Variants in PARP1 observed in about 807,000 individuals in gnomAD.
The protein encoded by PARP1 is poly(ADP-ribose) polymerase 1.
In PARP1, 44 loss-of-function variants were observed where a neutral mutation model predicts 118.7. The ratio of observed to expected loss-of-function variants is 0.37; its 90% CI spans 0.29 to 0.48. The LOEUF (loss-of-function observed/expected upper bound fraction) is 0.48, where lower values mean the gene tolerates loss of function less well. Among genes scored for constraint, PARP1 ranks in the 20% least tolerant of loss-of-function variants. The pLI is 0.99. For synonymous variants in PARP1, 492 were observed against 483.2 expected, an observed-to-expected ratio of 1.02 and a Z score of -0.24; for missense variants, 1,100 against 1,272.4, an observed-to-expected ratio of 0.86 and a Z score of 2.06.
intron 6 of PARP1, 62 bp downstream of exon 6, chr1:226,386,264 T>A (rs887161874): frequency 3.2e-6 from 3 of 952,292 alleles, no homozygotes; most frequent in Non-Finnish European, 5.2e-6. Context: ...ATTGGGACAG[T>A]CACTCCACAA....
In PARP1 at chr1:226,399,806, T is replaced by C. The variant is rs143161050; in HGVS notation, c.286+2408A>G. 8.0e-3 allele frequency among the ~76,000 whole-genome samples: 1,220 copies of C among 152,294 alleles called. 8 individuals carry two copies. The highest frequency in any genetic ancestry group is 0.013 in the Non-Finnish European group (916 of 68,024). Reference sequence around the variant, plus strand: ...GATGTTGATTGTGGACAAAAGTCTGTGTATGTGTGGGGTGGGTAGGGCTAG... The same window carrying C: ...GATGTTGATTGTGGACAAAAGTCTGCGTATGTGTGGGGTGGGTAGGGCTAG... On this transcript the variant is annotated intron_variant, in intron 2 of 22. Transcript: ENST00000366794.
Position 226,361,327 on chromosome 1 carries a change from G to A in PARP1, c.*133C>T, listed in dbSNP as rs1664131604. The A allele has an allele frequency of 2.8e-6, 2 of 714,724 alleles. No homozygotes were observed. The highest frequency in any genetic ancestry group is 5.2e-6 in the Non-Finnish European group (2 of 384,678). 44.3% of individuals were successfully genotyped at this position (714,724 alleles called of 1,614,324 possible). On this transcript the variant is annotated 3_prime_UTR_variant, in exon 23 of 23. Coordinates refer to ENST00000366794, the MANE Select transcript of PARP1 (RefSeq NM_001618.4). ...TAGAGAAAACCTTTAACACGTTTCT[G>A]TAAAATCCTTTCTGAGGTGGTTTAG... is the stretch of plus-strand genomic sequence containing the variant.
intron 1 of PARP1, among the ~76,000 whole-genome samples, chr1:226,403,453 C>T (rs982097906): frequency 6.6e-6 from 1 of 152,362 alleles, no homozygotes; most frequent in African/African-American, 2.4e-5. Flanking sequence ...GCTGGGATTA[C>T]AGGCATGAAC....
intron 15 of PARP1, 59 bp from the exon 16 acceptor site, chr1:226,368,380 C>G: frequency 1.2e-6 from 2 of 1,612,350 alleles, no homozygotes; most frequent in Non-Finnish European, 8.5e-7. Context: ...AGCCCCCGGC[C>G]AGGCTTTCTC....
rs934864107 is a variant in PARP1 at position 226,386,272 on chromosome 1, C to A, written c.834+54G>T. The stretch of plus-strand genomic sequence containing the variant: ...ACACTCCATTGGGACAGTCACTCCA[C>A]AACGACGGGGTCGGCCTCACATGCG... On this transcript the variant is annotated intron_variant, in intron 6 of 22. Transcript: ENST00000366794. 8.4e-6 allele frequency: 9 copies of A among 1,067,230 alleles called. No homozygotes were observed. The African/African-American group carries it at 1.4e-4, about 17-fold the overall frequency. 66.1% of individuals were successfully genotyped at this position (1,067,230 alleles called of 1,614,324 possible). A position where few individuals can be genotyped will look rare whatever the true frequency, so the allele number is the denominator to read the frequency against.
intron 2 of PARP1, among the ~76,000 whole-genome samples, chr1:226,394,222 T>C (rs1664872821): frequency 6.6e-6 from 1 of 152,168 alleles, no homozygotes; most frequent in South Asian, 2.1e-4. Context: ...CCCAGCATGG[T>C]GGCGCACGCC....
At chr1:226,388,321 G>A (rs1664752777) in intron 5 of PARP1, among the ~76,000 whole-genome samples, 1 of 152,200 alleles carries the variant, frequency 6.6e-6, no homozygotes, top group Non-Finnish European at 1.5e-5. Flanking sequence ...TGACCACAAA[G>A]GTGCAGGGTG....
At chr1:226,374,565 G>A (rs1021624021) in intron 13 of PARP1, among the ~76,000 whole-genome samples, 44 of 152,322 alleles carry the variant, frequency 2.9e-4, no homozygotes, top group African/African-American at 9.4e-4. Flanking sequence ...TGCCTGCCCT[G>A]AAGTTCTCTT....
rs776284379 is a variant in PARP1 at position 226,390,627 on chromosome 1, G to A, written c.403-3C>T. On this transcript the variant is annotated splice_region_variant and splice_polypyrimidine_tract_variant and intron_variant, in intron 3 of 22. Transcript: ENST00000366794. ...TTCTTGGACAGGCGCACCTGGCCCT[G>A]CAGGAAAAACCATATGTGGTACCAA... The A allele has an allele frequency of 3.1e-6, 5 of 1,613,628 alleles. No homozygotes were observed. In the Admixed American group the frequency reaches 6.7e-5, roughly 22 times the overall value.
At chr1:226,389,506 C>T (rs1412339474) in intron 4 of PARP1, among the ~76,000 whole-genome samples, 3 of 152,184 alleles carry the variant, frequency 2.0e-5, no homozygotes, top group African/African-American at 7.2e-5. Flanking sequence ...GCAAATGAAA[C>T]AGTCCAAATA....
At chr1:226,402,814 T>A (rs1056646642) in intron 1 of PARP1, among the ~76,000 whole-genome samples, 2 of 152,242 alleles carry the variant, frequency 1.3e-5, no homozygotes, top group African/African-American at 4.8e-5. Context: ...TGCTCCAGGC[T>A]TGCCTGGACT....
At chr1:226,401,830 T>C (rs1647593268) in intron 2 of PARP1, among the ~76,000 whole-genome samples, 1 of 152,128 alleles carries the variant, frequency 6.6e-6, no homozygotes, top group South Asian at 2.1e-4. Context: ...GATGTGTCAG[T>C]GTAGGTTCCT....
intron 4 of PARP1, among the ~76,000 whole-genome samples, chr1:226,389,507 A>C (rs2102740514): frequency 6.6e-6 from 1 of 152,360 alleles, no homozygotes; most frequent in South Asian, 2.1e-4. Context: ...CAAATGAAAC[A>C]GTCCAAATAC....
chr1:226,379,894 C>T, intron 10 of PARP1, 28 bp downstream of exon 10: 1 of 1,612,684 alleles, frequency 6.2e-7, no homozygotes, highest in Non-Finnish European at 8.5e-7. Context: ...GGCTTTTGGC[C>T]CTGGAGGGGG....
chr1:226,407,144 C>A (rs1237440076), intron 1 of PARP1, among the ~76,000 whole-genome samples: 1 of 152,070 alleles, frequency 6.6e-6, no homozygotes, highest in Admixed American at 6.6e-5. Flanking sequence ...ACATGAGAAA[C>A]CCCCCTGGAG....
intron 1 of PARP1, among the ~76,000 whole-genome samples, chr1:226,404,934 A>C (rs1266994980): frequency 6.6e-6 from 1 of 151,790 alleles, no homozygotes; most frequent in Non-Finnish European, 1.5e-5. Flanking sequence ...GGGTGCTCAA[A>C]CCCTCCCAGG....
At chr1:226,388,110 T>G (rs1400854470) in intron 5 of PARP1, among the ~76,000 whole-genome samples, 2 of 152,220 alleles carry the variant, frequency 1.3e-5, no homozygotes, top group East Asian at 3.8e-4. Flanking sequence ...AACATGTACA[T>G]AATCAACACA....
intron 2 of PARP1, among the ~76,000 whole-genome samples, chr1:226,393,289 T>C (rs1664853962): frequency 6.6e-6 from 1 of 152,210 alleles, no homozygotes; most frequent in African/African-American, 2.4e-5. Context: ...GCAAGATCTC[T>C]ACACTAAAAG....
chr1:226,386,227 G>A (rs1039966859), intron 6 of PARP1, 99 bp downstream of exon 6: 22 of 779,248 alleles, frequency 2.8e-5, no homozygotes, highest in South Asian at 4.1e-5. Context: ...ACCAGCAGGT[G>A]TTCACACGGA....
Sources: gnomAD v4.1 joint callset for allele counts (sites outside exome capture counted in the v4.1 genomes callset) on GRCh38, gnomAD v4.1.1 for gene constraint, MANE v1.5 for transcripts, NCBI Gene and HGNC (gene_info 2026-07-23, HGNC 2026-07-21) for gene names.